TAFA1: variants seen among roughly 807,000 people sequenced by gnomAD.
TAFA1 encodes the protein TAFA chemokine like family member 1.
TAFA1 carries 4 observed loss-of-function variants against 18.5 expected under a neutral mutation model. The observed-to-expected ratio is 0.22, with a 90% CI of 0.11 to 0.49. The LOEUF is 0.49. Ranked by LOEUF, TAFA1 falls within the 20% of genes least tolerant of loss-of-function variation. The pLI is 0.98. For synonymous variants in TAFA1, 56 were observed against 55.2 expected (o/e 1.01, Z -0.06); for missense variants, 147 against 169.0 (o/e 0.87, Z 0.72).
At chr3:68,222,270 T>G (rs2066740698) in intron 2 of TAFA1, among the ~76,000 whole-genome samples, 1 of 152,210 alleles carries the variant, frequency 6.6e-6, no homozygotes, top group African/African-American at 2.4e-5. Context: ...TATTGTTCCT[T>G]TCACAAGATG....
intron 2 of TAFA1, among the ~76,000 whole-genome samples, chr3:68,268,627 T>C (rs886563097): frequency 1.3e-5 from 2 of 152,168 alleles, no homozygotes; most frequent in African/African-American, 4.8e-5. Context: ...CCAGGCACCC[T>C]GACACAGGGA....
intron 2 of TAFA1, among the ~76,000 whole-genome samples, chr3:68,067,127 A>T (rs2064688415): frequency 6.6e-6 from 1 of 152,168 alleles, no homozygotes; most frequent in South Asian, 2.1e-4. Context: ...TTCAAGTTGG[A>T]GTTCTACAAT....
chr3:68,512,697 T>A (rs200353010), intron 3 of TAFA1, among the ~76,000 whole-genome samples: 1 of 151,404 alleles, frequency 6.6e-6, no homozygotes, highest in Non-Finnish European at 1.5e-5. Context: ...TGTTTGTTTG[T>A]TTGTTTGTTT....
At chr3:68,220,034 T>C (rs1430050441) in intron 2 of TAFA1, among the ~76,000 whole-genome samples, 1 of 152,204 alleles carries the variant, frequency 6.6e-6, no homozygotes, top group African/African-American at 2.4e-5. Flanking sequence ...GGTTTTAATA[T>C]GATAAATTGG....
chr3:68,457,540 G>A (rs1015779944), intron 3 of TAFA1, among the ~76,000 whole-genome samples: 1 of 151,932 alleles, frequency 6.6e-6, no homozygotes, highest in South Asian at 2.1e-4. Context: ...GTTGCTCAAG[G>A]GCCAACTGTA....
chr3:68,158,943 A>G (rs975376101), intron 2 of TAFA1, among the ~76,000 whole-genome samples: 8 of 152,222 alleles, frequency 5.3e-5, no homozygotes, highest in African/African-American at 1.9e-4. Flanking sequence ...GAAGGAAGAA[A>G]TGAAATCCCA....
At position 68,351,598 on chromosome 3, in the gene TAFA1, G is replaced by A. The variant is rs555320983; in HGVS notation, c.119-65682G>A. On this transcript the variant is annotated intron_variant, in intron 2 of 4. Coordinates refer to ENST00000478136, the MANE Select transcript of TAFA1 (RefSeq NM_213609.4). ...GTGACTTTGAATTCCAGCTTATATA[G>A]CATCTTCAAAAAGGAACTATACATT... Among the ~76,000 whole-genome samples the A allele has an allele frequency of 1.1e-4, 17 of 152,102 alleles. No homozygotes were observed. In the East Asian group the frequency reaches 1.4e-3, roughly 12 times the overall value.
chr3:68,389,503 A>C (rs1330835278), intron 2 of TAFA1, among the ~76,000 whole-genome samples: 1 of 152,218 alleles, frequency 6.6e-6, no homozygotes, highest in South Asian at 2.1e-4. Flanking sequence ...GGGTATGTCC[A>C]TTGAAATATT....
At chr3:68,495,998 C>CAAAAAAAAA (rs199520960) in intron 3 of TAFA1, among the ~76,000 whole-genome samples, 9 of 107,568 alleles carry the variant, frequency 8.4e-5, no homozygotes, top group African/African-American at 1.2e-4. Context: ...TTCCCTGAAG[C>CAAAAAAAAA]AAAAAAAAAA....
rs572040414 is a variant in TAFA1, at chr3:68,408,019, T to C, written c.119-9261T>C. On this transcript the variant is annotated intron_variant, in intron 2 of 4. Coordinates refer to ENST00000478136, the MANE Select transcript of TAFA1 (RefSeq NM_213609.4). ...GGTCAATAAAGCATTTTTAACACAG[T>C]ATTAAATATGCATTTCTGACATCCA... 1.5e-4 allele frequency among the ~76,000 whole-genome samples: 23 copies of C among 152,242 alleles called. No homozygotes were observed. In the South Asian group the frequency reaches 2.9e-3, roughly 19 times the overall value.
At chr3:68,098,236 G>A (rs1379276170) in intron 2 of TAFA1, among the ~76,000 whole-genome samples, 1 of 151,756 alleles carries the variant, frequency 6.6e-6, no homozygotes, top group South Asian at 2.1e-4. Flanking sequence ...CTCTCAACTC[G>A]AGATATTTTA....
intron 2 of TAFA1, among the ~76,000 whole-genome samples, chr3:68,308,160 G>A (rs771223700): frequency 3.3e-5 from 5 of 151,980 alleles, no homozygotes; most frequent in Admixed American, 1.3e-4. Flanking sequence ...CAATAATATT[G>A]TATGAATTCA....
chr3:68,335,368 T>C (rs2068953249), intron 2 of TAFA1, among the ~76,000 whole-genome samples: 2 of 152,234 alleles, frequency 1.3e-5, no homozygotes, highest in South Asian at 4.1e-4. Context: ...TGAGTCTTTC[T>C]ATGGTACCAC....
chr3:68,052,872 G>A (rs2064489236), intron 2 of TAFA1, among the ~76,000 whole-genome samples: 1 of 152,166 alleles, frequency 6.6e-6, no homozygotes, highest in African/African-American at 2.4e-5. Flanking sequence ...AGGGGAACAG[G>A]AAGAGTTTAT....
chr3:68,138,808 C>A (rs6549017), intron 2 of TAFA1, among the ~76,000 whole-genome samples: 96,575 of 151,706 alleles, frequency 0.64, 31,562 homozygotes, highest in South Asian at 0.76. Context: ...GTTTGCTACT[C>A]TTGATAGTTG....
chr3:68,369,075 A>G (rs1396034459), intron 2 of TAFA1, among the ~76,000 whole-genome samples: 1 of 152,214 alleles, frequency 6.6e-6, no homozygotes, highest in Non-Finnish European at 1.5e-5. Context: ...ATATTTTGCT[A>G]TAGCAGGCAC....
chr3:68,079,217 G>T (rs939741604), intron 2 of TAFA1, among the ~76,000 whole-genome samples: 64 of 152,052 alleles, frequency 4.2e-4, no homozygotes, highest in African/African-American at 1.5e-3. Flanking sequence ...CTCATTAATA[G>T]TCTTGCTAGT....
At chr3:68,316,275 C>T (rs1184678834) in intron 2 of TAFA1, among the ~76,000 whole-genome samples, 1 of 152,142 alleles carries the variant, frequency 6.6e-6, no homozygotes, top group Non-Finnish European at 1.5e-5. Flanking sequence ...AGGTTCAGTC[C>T]ACTGGGGAGG....
intron 2 of TAFA1, among the ~76,000 whole-genome samples, chr3:68,118,531 C>G (rs2065350168): frequency 6.6e-6 from 1 of 152,128 alleles, no homozygotes; most frequent in African/African-American, 2.4e-5. Flanking sequence ...TCTCTATTTC[C>G]TCCTCTTTCC....
Sources: gnomAD v4.1 joint callset for allele counts (sites outside exome capture counted in the v4.1 genomes callset) on GRCh38, gnomAD v4.1.1 for gene constraint, MANE v1.5 for transcripts, NCBI Gene and HGNC (gene_info 2026-07-23, HGNC 2026-07-21) for gene names.